UGDH: variants seen among roughly 807,000 people sequenced by gnomAD.
The protein encoded by UGDH is UDP-Glc dehydrogenase.
A neutral mutation model predicts 50.6 loss-of-function variants in UGDH; 38 were observed. The ratio of observed to expected loss-of-function variants is 0.75; its 90% CI spans 0.58 to 0.98. The LOEUF is 0.98. UGDH is among the 50% of genes least tolerant of loss of function. The pLI is 0.00. For missense variants in UGDH, 465 were observed against 606.2 expected (o/e 0.77, Z 2.45); for synonymous variants, 168 against 199.9 (o/e 0.84, Z 1.35).
chr4:39,527,052 C>T, intron 1 of UGDH: 1 of 1,289,400 alleles, frequency 7.8e-7, no homozygotes, highest in Non-Finnish European at 1.0e-6. Flanking sequence ...GGAAGACTCA[C>T]GAGTCTTGAA....
chr4:39,522,601 G>C (rs190005411), intron 1 of UGDH, among the ~76,000 whole-genome samples: 171 of 152,070 alleles, frequency 1.1e-3, no homozygotes, highest in Admixed American at 4.3e-3. Context: ...CTAAATTTTC[G>C]TTTGGTTCTC....
rs773827332 is a variant in UGDH at position 39,521,454 on chromosome 4, C to T, written c.59G>A (p.Cys20Tyr). The T allele has an allele frequency of 3.1e-6, 5 of 1,612,758 alleles. No individual in the cohort carries two copies. Among genetic ancestry groups the T allele is most frequent in the Non-Finnish European group, 4.2e-6 (5 of 1,179,454 alleles). ...AGGACACATATGAGCAATGACACTA[C>T]ATGTGGGTCCTCCAACATAGCCTGC... ...IGAGYVGGPT[C>Y]SVIAHMCPEI... The change falls in exon 2 of 12, where the codon TGT (cysteine) becomes TAT (tyrosine). Residue 20 changes from cysteine (C) to tyrosine (Y), a missense_variant. Coordinates refer to ENST00000316423, the MANE Select transcript of UGDH (RefSeq NM_003359.4).
At position 39,514,318 on chromosome 4, in the gene UGDH, C is replaced by A. The variant is rs551902914; in HGVS notation, c.163-134G>T. 491 of 720,538 alleles carry A rather than the reference C, an allele frequency of 6.8e-4. 1 individual carries two copies. The highest frequency in any genetic ancestry group is 1.0e-3 in the Non-Finnish European group (449 of 433,382). 44.6% of individuals were successfully genotyped at this position (720,538 alleles called of 1,614,324 possible). ...AAGGTCTAGGTTGTGCTCAAATTACCTTTGTAGACAAGTTAAGGATCATAT... is the reference window on the plus strand; with the variant it reads ...AAGGTCTAGGTTGTGCTCAAATTACATTTGTAGACAAGTTAAGGATCATAT... On this transcript the variant is annotated intron_variant, in intron 2 of 11. Transcript: ENST00000316423.
intron 6 of UGDH, 129 bp downstream of exon 6, chr4:39,509,631 G>A (rs1746155126): frequency 9.1e-7 from 1 of 1,100,030 alleles, no homozygotes. Flanking sequence ...CTCTAAAAAA[G>A]AAAATAACAG....
chr4:39,504,345 A>T, intron 10 of UGDH, 72 bp downstream of exon 10: 1 of 1,390,198 alleles, frequency 7.2e-7, no homozygotes, highest in Admixed American at 1.8e-5. Context: ...CACATACATG[A>T]ACACATACTC....
intron 2 of UGDH, among the ~76,000 whole-genome samples, chr4:39,516,314 C>T (rs1746441829): frequency 6.6e-6 from 1 of 152,058 alleles, no homozygotes; most frequent in Admixed American, 6.6e-5. Context: ...TTTAGAGATA[C>T]ATGATAAAGT....
Position 39,500,201 on chromosome 4 carries a change from G to A in UGDH, c.1427C>T (p.Ser476Phe), listed in dbSNP as rs763664159. Residue 476 changes from serine to phenylalanine, a missense_variant, in exon 12 of 12, where the codon TCT becomes TTT. By Grantham distance (155) the Ser-to-Phe change is radical. Coordinates refer to ENST00000316423, the MANE Select transcript of UGDH (RefSeq NM_003359.4). ...AAGACTAAACTTCGGAATTTCACCAGAAGGAGCATATGGAATTCTCTTTGA... is the reference window on the plus strand; with the variant it reads ...AAGACTAAACTTCGGAATTTCACCAAAAGGAGCATATGGAATTCTCTTTGA... ...VSSKRIPYAPSGEIPKFSLQD... is the reference protein window; with the variant it reads ...VSSKRIPYAPFGEIPKFSLQD... 1 of 1,605,920 alleles carries A rather than the reference G, an allele frequency of 6.2e-7. No individual in the cohort carries two copies. Among genetic ancestry groups the A allele is most frequent in the South Asian group, 1.1e-5 (1 of 89,004 alleles).
chr4:39,511,855 GCGCCACCACACC>G (rs1211877410), intron 3 of UGDH, among the ~76,000 whole-genome samples: 2 of 151,178 alleles, frequency 1.3e-5, no homozygotes, highest in Admixed American at 1.3e-4. Flanking sequence ...GATTACAAGT[GCGCCACCACACC>G]CGCCTAATTT....
At chr4:39,503,420 C>A (rs74820621) in intron 11 of UGDH, among the ~76,000 whole-genome samples, 332 of 152,308 alleles carry the variant, frequency 2.2e-3, no homozygotes, top group African/African-American at 7.5e-3. Flanking sequence ...AGACCCCTCA[C>A]AGCACTGGCA....
chr4:39,519,663 C>T lies in UGDH; in HGVS notation c.162+1688G>A, dbSNP rs188528254. Among the ~76,000 whole-genome samples the T allele has an allele frequency of 5.4e-3, 828 of 152,034 alleles. 4 individuals are homozygous for T. The highest frequency in any genetic ancestry group is 9.0e-3 in the Non-Finnish European group (614 of 67,974). Reference sequence around the variant, plus strand: ...AAGCGATTCTCCTGCCTCAGCCTCCCGAGTAGCTGGGATTATAGGTGCGCA... The same window carrying T: ...AAGCGATTCTCCTGCCTCAGCCTCCTGAGTAGCTGGGATTATAGGTGCGCA... On this transcript the variant is annotated intron_variant, in intron 2 of 11. Coordinates refer to ENST00000316423, the MANE Select transcript of UGDH (RefSeq NM_003359.4).
chr4:39,511,002 T>C, intron 3 of UGDH, 141 bp from the exon 4 acceptor site: 1 of 711,738 alleles, frequency 1.4e-6, no homozygotes, highest in Non-Finnish European at 2.3e-6. Context: ...ATAGAAATAA[T>C]ACATTTTATA....
chr4:39,504,376 C>A, intron 10 of UGDH, 41 bp downstream of exon 10: 1 of 1,574,250 alleles, frequency 6.4e-7, no homozygotes, highest in Non-Finnish European at 8.7e-7. Flanking sequence ...GATAGTGGAA[C>A]ACCTCTAGAA....
chr4:39,514,322 G>A, intron 2 of UGDH, 138 bp from the exon 3 acceptor site: 1 of 704,838 alleles, frequency 1.4e-6, no homozygotes, highest in Non-Finnish European at 2.4e-6. Flanking sequence ...AATTACCTTT[G>A]TAGACAAGTT....
rs552266425 is a variant in UGDH, at chr4:39,507,304, G to A, written c.906+1262C>T. 2.0e-5 allele frequency among the ~76,000 whole-genome samples: 3 copies of A among 152,340 alleles called. No homozygotes were observed. In the East Asian group the frequency reaches 5.8e-4, roughly 29 times the overall value. ...CTCACTTAATGCTTCCAATTTGGAAGGGGTTTCTAATTTTAGCTCTGTGAG... is the reference window on the plus strand; with the variant it reads ...CTCACTTAATGCTTCCAATTTGGAAAGGGTTTCTAATTTTAGCTCTGTGAG... On this transcript the variant is annotated intron_variant, in intron 7 of 11. Coordinates refer to ENST00000316423, the MANE Select transcript of UGDH (RefSeq NM_003359.4).
intron 1 of UGDH, among the ~76,000 whole-genome samples, chr4:39,525,668 G>T (rs1248385668): frequency 7.1e-6 from 1 of 140,942 alleles, no homozygotes; most frequent in Admixed American, 6.8e-5. Context: ...CACTACGCCC[G>T]GCTAATTTTT....
rs905125273 is a variant in UGDH, at chr4:39,499,367, A to G, written c.*776T>C. On this transcript the variant is annotated 3_prime_UTR_variant, in exon 12 of 12. Transcript: ENST00000316423. The stretch of plus-strand genomic sequence containing the variant: ...CATTTTATTAAAACAAAAGGAACAA[A>G]GGAACTTTAACCAGACCATACATGT... 1 of 152,224 alleles carries G rather than the reference A, an allele frequency of 6.6e-6. No individual in the cohort carries two copies. Among genetic ancestry groups the G allele is most frequent in the Admixed American group, 6.5e-5 (1 of 15,284 alleles). 9.4% of individuals were successfully genotyped at this position (152,224 alleles called of 1,614,324 possible).
intron 1 of UGDH, among the ~76,000 whole-genome samples, chr4:39,525,518 T>C (rs867828772): frequency 4.7e-5 from 7 of 149,778 alleles, no homozygotes; most frequent in Non-Finnish European, 5.9e-5. Context: ...TTTTCTTTTT[T>C]TTTTTTGAGA....
Position 39,510,447 on chromosome 4 carries a change from C to A in UGDH, c.569G>T (p.Arg190Ile), listed in dbSNP as rs751260541. The part of the protein sequence containing the change: ...IGGDETPEGQ[R>I]AVQALCAVYE... ...TACAGCACACAGGGCCTGCACAGCT[C>A]TCTGGCCCTCTGGAGTTTCATCCCC... Residue 190 changes from arginine to isoleucine, a missense_variant, in exon 5 of 12, where the codon AGA becomes ATA. Arg to Ile is a moderately conservative substitution (Grantham distance 97). Coordinates refer to ENST00000316423, the MANE Select transcript of UGDH (RefSeq NM_003359.4). The A allele has an allele frequency of 1.1e-5, 17 of 1,614,078 alleles. No homozygotes were observed. The East Asian group carries it at 3.8e-4, about 36-fold the overall frequency.
At chr4:39,525,383 G>C (rs1448267162) in intron 1 of UGDH, among the ~76,000 whole-genome samples, 1 of 151,860 alleles carries the variant, frequency 6.6e-6, no homozygotes, top group East Asian at 1.9e-4. Context: ...TAGTAGAGAC[G>C]GGGTTTCACC....
Sources: allele counts gnomAD v4.1 joint callset (sites outside exome capture counted in the v4.1 genomes callset), GRCh38; gene constraint gnomAD v4.1.1; transcripts MANE v1.5; gene names NCBI Gene and HGNC (gene_info 2026-07-23, HGNC 2026-07-21).